UBAP2: variants seen among roughly 807,000 people sequenced by gnomAD.
The protein encoded by UBAP2 is ubiquitin associated protein 2, also known as ubiquitin-associated protein 2.
In UBAP2, 75 loss-of-function variants were observed where a neutral mutation model predicts 139.6. That is an observed-to-expected ratio of 0.54 (90% CI 0.45 to 0.65). The LOEUF is 0.65. Ranked by LOEUF, UBAP2 falls within the 30% of genes least tolerant of loss-of-function variation. UBAP2 has a pLI of 0.00. For missense variants in UBAP2, 1,368 were observed against 1,369.6 expected, an observed-to-expected ratio of 1.00 and a Z score of 0.02; for synonymous variants, 526 against 526.2, an observed-to-expected ratio of 1.00 and a Z score of 0.01.
At chr9:33,985,698 T>G (rs372623708) in intron 6 of UBAP2, among the ~76,000 whole-genome samples, 8 of 151,332 alleles carry the variant, frequency 5.3e-5, no homozygotes, top group African/African-American at 1.9e-4. Context: ...TAAAGAGAGA[T>G]TGGTGGATAG....
At chr9:34,029,840 T>C (rs1490326874) in intron 1 of UBAP2, among the ~76,000 whole-genome samples, 1 of 147,326 alleles carries the variant, frequency 6.8e-6, no homozygotes, top group Non-Finnish European at 1.5e-5. Flanking sequence ...ATACAAAAAT[T>C]AGGCCGCTGT....
At chr9:33,923,548 A>G in intron 24 of UBAP2, 70 bp from the exon 25 acceptor site, 6 of 1,478,328 alleles carry the variant, frequency 4.1e-6, no homozygotes, top group Non-Finnish European at 5.7e-6. Flanking sequence ...TACCCCTGCC[A>G]GAGCCTAAGG....
At chr9:33,941,114 T>C (rs1462981416) in intron 16 of UBAP2, among the ~76,000 whole-genome samples, 1 of 152,186 alleles carries the variant, frequency 6.6e-6, no homozygotes, top group African/African-American at 2.4e-5. Context: ...ACATCTCAAC[T>C]TAACAGAAAG....
intron 13 of UBAP2, among the ~76,000 whole-genome samples, chr9:33,946,710 A>C (rs548063871): frequency 6.6e-6 from 1 of 152,262 alleles, no homozygotes; most frequent in South Asian, 2.1e-4. Context: ...AACAGAATTT[A>C]ATTTAAAAAA....
chr9:34,005,220 A>C (rs1424259355), intron 2 of UBAP2, among the ~76,000 whole-genome samples: 1 of 149,392 alleles, frequency 6.7e-6, no homozygotes, highest in Non-Finnish European at 1.5e-5. Context: ...CTGAGATCTC[A>C]CCACTGTACT....
chr9:33,986,965 A>G (rs1587616959), intron 5 of UBAP2, 128 bp from the exon 6 acceptor site: 1 of 830,992 alleles, frequency 1.2e-6, no homozygotes, highest in Non-Finnish European at 2.0e-6. Context: ...GGGTTCAAAA[A>G]CAGGAAAAAC....
intron 1 of UBAP2, among the ~76,000 whole-genome samples, chr9:34,040,062 G>A (rs532444575): frequency 1.3e-5 from 2 of 151,966 alleles, no homozygotes; most frequent in South Asian, 4.2e-4. Flanking sequence ...GGGAGGCTGA[G>A]GCAGGAGAAT....
chr9:33,992,461 G>A (rs922957192), intron 4 of UBAP2, among the ~76,000 whole-genome samples: 1 of 151,420 alleles, frequency 6.6e-6, no homozygotes, highest in Non-Finnish European at 1.5e-5. Flanking sequence ...TCAGAAGGCT[G>A]AGGCAGGAGA....
At chr9:33,962,474 C>G (rs867613237) in intron 9 of UBAP2, among the ~76,000 whole-genome samples, 34 of 151,646 alleles carry the variant, frequency 2.2e-4, no homozygotes, top group African/African-American at 7.8e-4. Flanking sequence ...GATGAAACCC[C>G]GTCTCTACTA....
intron 14 of UBAP2, 91 bp from the exon 15 acceptor site, chr9:33,943,680 C>A: frequency 8.4e-7 from 1 of 1,184,112 alleles, no homozygotes; most frequent in Non-Finnish European, 1.2e-6. Context: ...ATTTAGGTTC[C>A]CAGGCAATAC....
rs1823087332 is a variant in UBAP2, at chr9:33,923,264, C to T, written c.2926G>A (p.Ala976Thr). The T allele has an allele frequency of 1.2e-6, 2 of 1,614,090 alleles. No homozygotes were observed. Among genetic ancestry groups the T allele is most frequent in the African/African-American group, 2.7e-5 (2 of 74,948 alleles). ...TAGCCACCTTTGGAGTAGTCTCCTG[C>T]TGCTGTCCCCTGGGTCAGGTCGTCA... ...GYDDLTQGTA[A>T]GDYSKGGYAG... Residue 976 changes from alanine to threonine, a missense_variant, in exon 26 of 29, where the codon GCA becomes ACA. Physicochemically the swap from Ala to Thr is moderately conservative, Grantham distance 58. Transcript: ENST00000379238.
At chr9:33,945,528 C>G (rs1449126723) in intron 13 of UBAP2, among the ~76,000 whole-genome samples, 2 of 152,060 alleles carry the variant, frequency 1.3e-5, no homozygotes. Flanking sequence ...CCAATAGATA[C>G]AAGAATATGT....
chr9:33,986,375 CA>C (rs1821213576), intron 6 of UBAP2, among the ~76,000 whole-genome samples: 1 of 152,068 alleles, frequency 6.6e-6, no homozygotes, highest in East Asian at 1.9e-4. Flanking sequence ...AGGACTAGAG[CA>C]AAAAGACTAC....
chr9:33,935,564 GC>G, intron 17 of UBAP2: 2 of 462,818 alleles, frequency 4.3e-6, no homozygotes, highest in South Asian at 5.2e-5. Flanking sequence ...ACCCCGCCTG[GC>G]CCAAGCATCT....
chr9:33,957,939 G>T (rs897338644), intron 10 of UBAP2, among the ~76,000 whole-genome samples: 2 of 152,046 alleles, frequency 1.3e-5, no homozygotes, highest in Admixed American at 6.6e-5. Context: ...TCCAAAACAG[G>T]GTGTGTGGGA....
chr9:33,926,856 C>T, intron 21 of UBAP2, 133 bp downstream of exon 21: 1 of 1,007,956 alleles, frequency 9.9e-7, no homozygotes. Flanking sequence ...CTCAGTGGGG[C>T]AGAGACGGGG....
intron 6 of UBAP2, among the ~76,000 whole-genome samples, chr9:33,976,951 G>A (rs764740445): frequency 1.3e-4 from 19 of 151,842 alleles, no homozygotes; most frequent in Non-Finnish European, 2.1e-4. Context: ...GGCAGCAGTC[G>A]CAGTGAGCCG....
chr9:34,041,355 C>CT (rs1827062224), intron 1 of UBAP2, among the ~76,000 whole-genome samples: 1 of 149,272 alleles, frequency 6.7e-6, no homozygotes, highest in Non-Finnish European at 1.5e-5. Context: ...ATCCCAGCTA[C>CT]TTGGGAGGCT....
chr9:33,943,648 C>A (rs1406590948), intron 14 of UBAP2, 59 bp from the exon 15 acceptor site: 4 of 1,547,284 alleles, frequency 2.6e-6, no homozygotes, highest in Non-Finnish European at 3.5e-6. Flanking sequence ...GTCACAAAGG[C>A]CTATAACAGA....
Sources: gnomAD v4.1 joint callset for allele counts (sites outside exome capture counted in the v4.1 genomes callset) on GRCh38, gnomAD v4.1.1 for gene constraint, MANE v1.5 for transcripts, NCBI Gene and HGNC (gene_info 2026-07-23, HGNC 2026-07-21) for gene names.